Variants in EPHA2 observed in about 807,000 individuals in gnomAD.
EPHA2 encodes the protein ephrin type-A receptor 2.
A neutral mutation model predicts 104.9 loss-of-function variants in EPHA2; 54 were observed. The ratio of observed to expected loss-of-function variants is 0.51; its 90% CI spans 0.41 to 0.65. The LOEUF (loss-of-function observed/expected upper bound fraction) is 0.65. Among genes scored for constraint, EPHA2 ranks in the 30% least tolerant of loss-of-function variants. The pLI, the probability that EPHA2 is intolerant of heterozygous loss-of-function variation, is 0.00. For synonymous variants in EPHA2, 560 were observed against 559.1 expected (o/e 1.00, Z -0.02); for missense variants, 1,117 against 1,369.5 (o/e 0.82, Z 2.91).
intron 3 of EPHA2, among the ~76,000 whole-genome samples, chr1:16,143,528 C>T (rs1271919325): frequency 3.9e-5 from 6 of 152,076 alleles, no homozygotes; most frequent in African/African-American, 1.2e-4. Context: ...GCTGCACCTC[C>T]GGCTATACCC....
chr1:16,128,187 T>C lies in EPHA2; in HGVS notation c.2825+1247A>G, dbSNP rs890356175. On this transcript the variant is annotated intron_variant, in intron 16 of 16. Coordinates refer to ENST00000358432, the MANE Select transcript of EPHA2 (RefSeq NM_004431.5). This position sits in a 1 kb window ranked among gnomAD's most constrained non-coding sequence, Gnocchi z 4.7. ...ACCCATGCAATCCCATCAAACTTGA[T>C]CAAGGTCACCCGCTAGGAAGTGGCA... Among the ~76,000 whole-genome samples, 15 of 152,202 alleles carry C rather than the reference T, an allele frequency of 9.9e-5. No individual in the cohort carries two copies. The highest frequency in any genetic ancestry group is 3.1e-4 in the African/African-American group (13 of 41,448).
chr1:16,126,439 C>T (rs1220313800), intron 16 of EPHA2, among the ~76,000 whole-genome samples: 1 of 152,146 alleles, frequency 6.6e-6, no homozygotes, highest in South Asian at 2.1e-4. Flanking sequence ...GCTCCGGGAG[C>T]CCCGGCACAG....
At chr1:16,154,002 TC>T (rs1157159771) in intron 1 of EPHA2, among the ~76,000 whole-genome samples, 1 of 151,406 alleles carries the variant, frequency 6.6e-6, no homozygotes, top group Non-Finnish European at 1.5e-5. Context: ...CACAAGCCTT[TC>T]CCCCTGCATC....
Position 16,132,142 on chromosome 1 carries a change from G to C in EPHA2, c.2247C>G (p.Ser749Arg), listed in dbSNP as rs1242660371. Residue 749 changes from serine to arginine, a missense_variant, in exon 13 of 17, where the codon AGC becomes AGG. Ser to Arg is a moderately radical substitution (Grantham distance 110). Around this residue, in one of 3 missense-constraint regions of EPHA2, gnomAD observed 340 missense variants for 480.5 expected, o/e 0.71. Coordinates refer to ENST00000358432, the MANE Select transcript of EPHA2 (RefSeq NM_004431.5). ...AGTCAGACACCTTGCAGACCAGGTT[G>C]CTGTTGACGAGGATGTTGCGGGCAG... ...DLAARNILVN[S>R]NLVCKVSDFG... The C allele has an allele frequency of 1.2e-6, 2 of 1,614,240 alleles. No individual in the cohort carries two copies. Among genetic ancestry groups the C allele is most frequent in the African/African-American group, 1.3e-5 (1 of 75,068 alleles).
At chr1:16,155,720 T>C in intron 1 of EPHA2, 128 bp downstream of exon 1, 1 of 729,348 alleles carries the variant, frequency 1.4e-6, no homozygotes, top group African/African-American at 1.9e-5. Flanking sequence ...CCGTGCGCCC[T>C]CCGGACTCCA....
chr1:16,133,727 C>G lies in EPHA2; in HGVS notation c.1739-121G>C. 4 of 1,507,104 alleles carry G rather than the reference C, an allele frequency of 2.7e-6. 1 individual carries two copies. The South Asian group carries it at 5.0e-5, about 19-fold the overall frequency. 93.4% of individuals were successfully genotyped at this position (1,507,104 alleles called of 1,614,324 possible). On this transcript the variant is annotated intron_variant, in intron 9 of 16. Coordinates refer to ENST00000358432, the MANE Select transcript of EPHA2 (RefSeq NM_004431.5). The stretch of plus-strand genomic sequence containing the variant: ...CTTGGACCAGGCTGTGGGGGACGGA[C>G]CCCTCAGAGCTGCCCACGGAAGCCT...
chr1:16,149,543 T>C (rs1414343507), intron 2 of EPHA2, among the ~76,000 whole-genome samples: 1 of 152,214 alleles, frequency 6.6e-6, no homozygotes, highest in East Asian at 1.9e-4. Flanking sequence ...TGGCATTAAG[T>C]CAAAAACAAC....
intron 3 of EPHA2, among the ~76,000 whole-genome samples, chr1:16,143,454 C>T (rs1317426605): frequency 1.3e-5 from 2 of 152,224 alleles, no homozygotes; most frequent in East Asian, 3.9e-4. Flanking sequence ...CTGTGGAGAG[C>T]TGTTCTGGCC....
chr1:16,147,967 G>T (rs1177758431), intron 3 of EPHA2, among the ~76,000 whole-genome samples: 1 of 151,718 alleles, frequency 6.6e-6, no homozygotes, highest in Non-Finnish European at 1.5e-5. Flanking sequence ...CACCTCCCGG[G>T]TTCAAGCAAT....
chr1:16,133,810 C>A (rs1467113899), intron 9 of EPHA2, 50 bp downstream of exon 9: 2 of 1,518,098 alleles, frequency 1.3e-6, no homozygotes, highest in East Asian at 2.5e-5. Flanking sequence ...CCCCACAGAG[C>A]TGGGGACGGT....
Position 16,156,034 on chromosome 1 carries a change from G to T in EPHA2, c.-102C>A. On this transcript the variant is annotated 5_prime_UTR_variant, in exon 1 of 17. Transcript: ENST00000358432. ...TGTCCGCTCCCGCCCGCCGGCCTGC[G>T]CGCAACTTCTGCCCCTCCTGCCCCG... 9.7e-7 allele frequency: 1 copy of T among 1,026,114 alleles called. No individual in the cohort carries two copies. The highest frequency in any genetic ancestry group is 1.3e-6 in the Non-Finnish European group (1 of 756,818). 63.6% of individuals were successfully genotyped at this position (1,026,114 alleles called of 1,614,324 possible).
Position 16,134,345 on chromosome 1 carries a change from G to A in EPHA2, c.1682+123C>T, listed in dbSNP as rs6603856. The A allele has an allele frequency of 0.086, 94,737 of 1,095,292 alleles. 10,532 individuals are homozygous for A. The highest frequency in any genetic ancestry group is 0.5 in the African/African-American group (31,891 of 64,192). 67.8% of individuals were successfully genotyped at this position (1,095,292 alleles called of 1,614,324 possible). A position where few individuals can be genotyped will look rare whatever the true frequency, so the allele number is the denominator to read the frequency against. On this transcript the variant is annotated intron_variant, in intron 8 of 16. Transcript: ENST00000358432. This position sits in a 1 kb window ranked among gnomAD's most constrained non-coding sequence, Gnocchi z 4.5. Reference sequence around the variant, plus strand: ...TAACTCGTATATCCTCGCACCATCCGGAGGCAGGGATTAGACTCGACTAGC... The same window carrying A: ...TAACTCGTATATCCTCGCACCATCCAGAGGCAGGGATTAGACTCGACTAGC...
chr1:16,141,054 AG>A (rs1285313357), intron 3 of EPHA2, among the ~76,000 whole-genome samples: 1 of 152,196 alleles, frequency 6.6e-6, no homozygotes, highest in Non-Finnish European at 1.5e-5. Context: ...TTCTGTTCTT[AG>A]GAACACTTCA....
At position 16,128,240 on chromosome 1, in the gene EPHA2, T is replaced by G. The variant is rs1216272399; in HGVS notation, c.2825+1194A>C. 1.3e-5 allele frequency among the ~76,000 whole-genome samples: 2 copies of G among 152,186 alleles called. No individual in the cohort carries two copies. The highest frequency in any genetic ancestry group is 2.9e-5 in the Non-Finnish European group (2 of 68,032). On this transcript the variant is annotated intron_variant, in intron 16 of 16. Transcript: ENST00000358432. The surrounding 1 kb of genome is among the most constrained non-coding windows in gnomAD (Gnocchi z 4.7). ...TGCGGGACTTGAACCCAGGTATGTGTGCAGAGCCCAAGCCTGTGGCCCTGC... is the reference window on the plus strand; with the variant it reads ...TGCGGGACTTGAACCCAGGTATGTGGGCAGAGCCCAAGCCTGTGGCCCTGC...
chr1:16,142,845 G>A (rs1354158774), intron 3 of EPHA2, among the ~76,000 whole-genome samples: 1 of 149,584 alleles, frequency 6.7e-6, no homozygotes, highest in Admixed American at 6.7e-5. Flanking sequence ...TGGGTGGAGG[G>A]GTGGATAGAT....
chr1:16,135,096 G>A lies in EPHA2; in HGVS notation c.1522C>T (p.Gln508Ter), dbSNP rs1449188642. The change falls in exon 7 of 17, where the codon CAG becomes TAG. Residue 508 changes from glutamine (Q) to a stop codon, truncating the protein, a stop_gained. Coordinates refer to ENST00000358432, the MANE Select transcript of EPHA2 (RefSeq NM_004431.5). LOFTEE classifies it high-confidence loss of function. This position sits in a 1 kb window ranked among gnomAD's most constrained non-coding sequence, Gnocchi z 4.3. ...APDTTYLVQVQALTQEGQGAG... is the reference protein window; with the variant it reads ...APDTTYLVQV Reference sequence around the variant, plus strand: ...CCCTGGCCCTCCTGCGTCAGTGCCTGCACCTGGACCAGGTAGGTGGTGTCT... The same window carrying A: ...CCCTGGCCCTCCTGCGTCAGTGCCTACACCTGGACCAGGTAGGTGGTGTCT... 1 of 1,613,892 alleles carries A rather than the reference G, an allele frequency of 6.2e-7. No individual in the cohort carries two copies. Among genetic ancestry groups the A allele is most frequent in the Non-Finnish European group, 8.5e-7 (1 of 1,180,030 alleles).
intron 3 of EPHA2, among the ~76,000 whole-genome samples, chr1:16,141,013 G>A (rs901736235): frequency 1.3e-5 from 2 of 152,186 alleles, no homozygotes; most frequent in Non-Finnish European, 2.9e-5. Flanking sequence ...GATTACAGGC[G>A]TGAGCCACCT....
rs1028311986 is a variant in EPHA2 at position 16,150,316 on chromosome 1, A to G, written c.153+580T>C. Among the ~76,000 whole-genome samples, 20 of 152,186 alleles carry G rather than the reference A, an allele frequency of 1.3e-4. No homozygotes were observed. The highest frequency in any genetic ancestry group is 4.3e-4 in the African/African-American group (18 of 41,450). ...GATCACACAGCAGACACACACAGCC[A>G]GGGGAAGAACCCCCAGCCCCTGCCC... On this transcript the variant is annotated intron_variant, in intron 2 of 16. Coordinates refer to ENST00000358432, the MANE Select transcript of EPHA2 (RefSeq NM_004431.5). The surrounding 1 kb of genome is among the most constrained non-coding windows in gnomAD (Gnocchi z 4.8).
chr1:16,149,748 C>T (rs71640097), intron 2 of EPHA2, among the ~76,000 whole-genome samples: 2,537 of 152,346 alleles, frequency 0.017, 39 homozygotes, highest in Non-Finnish European at 0.026. Context: ...TACCAAAGTG[C>T]ACTTGGCACG....
Sources: gnomAD v4.1 joint callset for allele counts (sites outside exome capture counted in the v4.1 genomes callset) on GRCh38, gnomAD v4.1.1 for gene constraint, gnomAD v4.1.1 regional missense constraint, Gnocchi (gnomAD v3.1) non-coding constraint, MANE v1.5 for transcripts, NCBI Gene and HGNC (gene_info 2026-07-23, HGNC 2026-07-21) for gene names.